The following CEP112 variants were observed in gnomAD, a reference collection of about 807,000 sequenced individuals.
CEP112 encodes the protein centrosomal protein of 112 kDa.
CEP112 carries 127 observed loss-of-function variants against 153.0 expected under a neutral mutation model. That is an observed-to-expected ratio of 0.83 (90% confidence interval 0.72 to 0.96). The LOEUF is 0.96. Among genes scored for constraint, CEP112 ranks in the 40% least tolerant of loss-of-function variants. CEP112 has a pLI of 0.00. For synonymous variants in CEP112, 358 were observed against 374.4 expected (o/e 0.96, Z 0.51); for missense variants, 1,089 against 1,101.2 (o/e 0.99, Z 0.16).
chr17:65,987,752 G>T (rs1435128655), intron 17 of CEP112, among the ~76,000 whole-genome samples: 1 of 152,160 alleles, frequency 6.6e-6, no homozygotes, highest in Non-Finnish European at 1.5e-5. Context: ...CAGAGAGTAG[G>T]AGAACCACAC....
At chr17:66,137,030 C>A (rs1187992296) in intron 4 of CEP112, among the ~76,000 whole-genome samples, 1 of 151,598 alleles carries the variant, frequency 6.6e-6, no homozygotes, top group Non-Finnish European at 1.5e-5. Flanking sequence ...AGAAACCAAC[C>A]CTAAAGAAAT....
chr17:65,820,946 G>A (rs2056499543), intron 21 of CEP112, among the ~76,000 whole-genome samples: 1 of 151,976 alleles, frequency 6.6e-6, no homozygotes, highest in Non-Finnish European at 1.5e-5. Context: ...AGTATTCCTA[G>A]GATGTCTACT....
chr17:65,784,338 C>A (rs2054158204), intron 21 of CEP112, among the ~76,000 whole-genome samples: 1 of 152,158 alleles, frequency 6.6e-6, no homozygotes, highest in African/African-American at 2.4e-5. Flanking sequence ...AAGACACCTA[C>A]CAAAACAGTC....
chr17:65,673,772 T>A (rs2047094877), intron 24 of CEP112, among the ~76,000 whole-genome samples: 1 of 152,192 alleles, frequency 6.6e-6, no homozygotes, highest in South Asian at 2.1e-4. Flanking sequence ...CTCAAAAAAT[T>A]AAAATATTGA....
intron 12 of CEP112, among the ~76,000 whole-genome samples, chr17:66,036,649 T>C (rs1261334838): frequency 6.6e-6 from 1 of 152,204 alleles, no homozygotes; most frequent in South Asian, 2.1e-4. Context: ...CTTAGGAAAA[T>C]TGATTAACGT....
intron 12 of CEP112, among the ~76,000 whole-genome samples, chr17:66,032,874 CAGA>C (rs1172379020): frequency 6.6e-6 from 1 of 152,066 alleles, no homozygotes; most frequent in Non-Finnish European, 1.5e-5. Flanking sequence ...AGGAATAGTC[CAGA>C]AGAAGAAGTC....
At chr17:66,009,860 AG>A (rs2064438098) in intron 16 of CEP112, among the ~76,000 whole-genome samples, 1 of 152,124 alleles carries the variant, frequency 6.6e-6, no homozygotes, top group Non-Finnish European at 1.5e-5. Flanking sequence ...TTTTGCTTAC[AG>A]TAGGCTTATA....
intron 21 of CEP112, among the ~76,000 whole-genome samples, chr17:65,756,442 G>C (rs1446242889): frequency 2.0e-5 from 3 of 146,590 alleles, no homozygotes; most frequent in Non-Finnish European, 4.5e-5. Flanking sequence ...AAGAAATCAG[G>C]ATAATACGGA....
chr17:65,911,601 A>G (rs1690583215), intron 19 of CEP112, among the ~76,000 whole-genome samples: 1 of 152,112 alleles, frequency 6.6e-6, no homozygotes, highest in African/African-American at 2.4e-5. Context: ...GGCCGAGGTG[A>G]GATGATCACT....
chr17:66,096,441 G>T, intron 7 of CEP112, 113 bp from the exon 8 acceptor site: 1 of 1,168,770 alleles, frequency 8.6e-7, no homozygotes, highest in South Asian at 1.4e-5. Flanking sequence ...TAACACTGCA[G>T]GAAAAAATCA....
intron 22 of CEP112, 76 bp downstream of exon 22, chr17:65,750,586 A>G: frequency 8.1e-7 from 1 of 1,228,108 alleles, no homozygotes; most frequent in East Asian, 2.3e-5. Flanking sequence ...TTAACTTGAA[A>G]GTGCCAAGGC....
At chr17:65,977,512 C>G (rs958609968) in intron 17 of CEP112, among the ~76,000 whole-genome samples, 4 of 152,274 alleles carry the variant, frequency 2.6e-5, no homozygotes, top group Admixed American at 2.6e-4. Context: ...CAAAATGATG[C>G]GGCTGCCTTT....
intron 21 of CEP112, among the ~76,000 whole-genome samples, chr17:65,777,890 CA>C (rs2145594102): frequency 6.6e-6 from 1 of 152,274 alleles, no homozygotes; most frequent in South Asian, 2.1e-4. Flanking sequence ...CATTCTGCCC[CA>C]CCAATAGGCT....
chr17:65,749,598 G>A (rs1291351593), intron 22 of CEP112, among the ~76,000 whole-genome samples: 2 of 152,154 alleles, frequency 1.3e-5, no homozygotes, highest in Non-Finnish European at 2.9e-5. Flanking sequence ...CCACTTTGAA[G>A]TCAGATCCAG....
chr17:66,159,075 T>C (rs1397894505), intron 4 of CEP112, among the ~76,000 whole-genome samples: 2 of 152,172 alleles, frequency 1.3e-5, no homozygotes, highest in East Asian at 3.8e-4. Context: ...TAAACACCTC[T>C]ATGCAAATAA....
intron 12 of CEP112, among the ~76,000 whole-genome samples, chr17:66,051,017 T>C (rs988017290): frequency 1.3e-5 from 2 of 151,978 alleles, no homozygotes; most frequent in South Asian, 2.1e-4. Context: ...TTTGGATCCA[T>C]TGCCCAAGCT....
At chr17:66,103,584 T>C (rs1212579494) in intron 6 of CEP112, among the ~76,000 whole-genome samples, 2 of 152,138 alleles carry the variant, frequency 1.3e-5, no homozygotes, top group South Asian at 2.1e-4. Flanking sequence ...AATGTTCAAA[T>C]AGAAGCCTTT....
intron 8 of CEP112, among the ~76,000 whole-genome samples, chr17:66,095,435 C>T (rs752800774): frequency 1.3e-5 from 2 of 152,070 alleles, no homozygotes; most frequent in Non-Finnish European, 2.9e-5. Context: ...GCAAATACCA[C>T]ATGATCTCAC....
At chr17:66,014,396 T>C (rs1033995666) in intron 16 of CEP112, among the ~76,000 whole-genome samples, 36 of 152,152 alleles carry the variant, frequency 2.4e-4, no homozygotes, top group African/African-American at 8.7e-4. Context: ...ATGGGAGAGT[T>C]CAGGTAAGAC....
Sources: gnomAD v4.1 joint callset for allele counts (sites outside exome capture counted in the v4.1 genomes callset) on GRCh38, gnomAD v4.1.1 for gene constraint, MANE v1.5 for transcripts, NCBI Gene and HGNC (gene_info 2026-07-23, HGNC 2026-07-21) for gene names.